The following CDH2 variants were observed in gnomAD, a reference collection of about 807,000 sequenced individuals.
CDH2 encodes cadherin 2.
Under a neutral mutation model 92.0 loss-of-function variants are expected in CDH2, and 17 were observed. That is an observed-to-expected ratio of 0.18 (90% CI 0.13 to 0.28). The LOEUF (loss-of-function observed/expected upper bound fraction) is 0.28. Among genes scored for constraint, CDH2 ranks in the 10% least tolerant of loss-of-function variants. The pLI is 1.00. For missense variants in CDH2, 862 were observed against 1,133.1 expected (o/e 0.76, Z 3.44); for synonymous variants, 419 against 415.9 (o/e 1.01, Z -0.09).
chr18:27,974,714 G>A (rs1289617857), intron 14 of CDH2, among the ~76,000 whole-genome samples: 1 of 152,142 alleles, frequency 6.6e-6, no homozygotes, highest in East Asian at 1.9e-4. Context: ...GACACTTCAT[G>A]AGTGGGATTA....
intron 2 of CDH2, among the ~76,000 whole-genome samples, chr18:28,113,036 A>T (rs2015437747): frequency 6.6e-6 from 1 of 152,162 alleles, no homozygotes; most frequent in Admixed American, 6.5e-5. Context: ...GACTATGATG[A>T]TAATAAATCT....
chr18:28,102,173 T>C (rs1317635759), intron 2 of CDH2, among the ~76,000 whole-genome samples: 1 of 152,170 alleles, frequency 6.6e-6, no homozygotes, highest in Non-Finnish European at 1.5e-5. Flanking sequence ...TTCCTCCCTC[T>C]CTTTGGGACA....
chr18:28,071,969 A>G (rs1404243250), intron 2 of CDH2, among the ~76,000 whole-genome samples: 2 of 152,200 alleles, frequency 1.3e-5, no homozygotes, highest in African/African-American at 4.8e-5. Context: ...AGAGATAATG[A>G]CATTGCTCTT....
chr18:27,936,400 A>G (rs1219728969), intron 6 of CDH2, among the ~76,000 whole-genome samples: 1 of 152,136 alleles, frequency 6.6e-6, no homozygotes, highest in Non-Finnish European at 1.5e-5. Context: ...CTCTTTCACT[A>G]CACTGCACAG....
chr18:28,018,386 A>C (rs992359225), intron 2 of CDH2, among the ~76,000 whole-genome samples: 8 of 152,058 alleles, frequency 5.3e-5, no homozygotes, highest in Non-Finnish European at 1.0e-4. Context: ...AACTGGAAAA[A>C]CCAATACTAA....
At chr18:28,016,875 G>A (rs1336819762) in intron 2 of CDH2, among the ~76,000 whole-genome samples, 4 of 152,104 alleles carry the variant, frequency 2.6e-5, no homozygotes, top group Non-Finnish European at 5.9e-5. Context: ...CTATTGAGAT[G>A]ATCATGTTAT....
intron 10 of CDH2, among the ~76,000 whole-genome samples, chr18:27,989,888 A>T (rs1258386754): frequency 6.6e-6 from 1 of 152,204 alleles, no homozygotes; most frequent in Non-Finnish European, 1.5e-5. Context: ...TCAAATAGTA[A>T]ATCCATTTTA....
chr18:27,994,909 AAG>A (rs1208044311), intron 7 of CDH2, among the ~76,000 whole-genome samples: 1 of 152,192 alleles, frequency 6.6e-6, no homozygotes, highest in Non-Finnish European at 1.5e-5. Context: ...GTCTTCCAAA[AAG>A]AGAAAATGTT....
At chr18:27,985,255 T>C (rs200715003) in intron 12 of CDH2, 22 bp from the exon 13 acceptor site, 835 of 1,343,804 alleles carry the variant, frequency 6.2e-4, no homozygotes, top group Non-Finnish European at 8.0e-4. Flanking sequence ...AGGAAAAACA[T>C]AGTTTGATAG....
intron 2 of CDH2, among the ~76,000 whole-genome samples, chr18:28,106,099 C>T (rs908692044): frequency 6.6e-6 from 1 of 152,192 alleles, no homozygotes. Flanking sequence ...TAGTCAGTCA[C>T]CATTAGCAAA....
intron 13 of CDH2, among the ~76,000 whole-genome samples, chr18:27,984,086 C>T (rs1363257476): frequency 6.6e-6 from 1 of 152,152 alleles, no homozygotes. Context: ...ATGCAGGTTT[C>T]AAATTATAGC....
chr18:27,974,794 C>T (rs968279656), intron 14 of CDH2, among the ~76,000 whole-genome samples: 4 of 152,138 alleles, frequency 2.6e-5, no homozygotes, highest in Non-Finnish European at 5.9e-5. Context: ...GCAAGAAAGG[C>T]GCCTTATATG....
chr18:28,066,572 T>C (rs2014511632), intron 2 of CDH2, among the ~76,000 whole-genome samples: 1 of 152,142 alleles, frequency 6.6e-6, no homozygotes, highest in African/African-American at 2.4e-5. Context: ...CAGACAAGCA[T>C]GTAATTAAAA....
intron 2 of CDH2, among the ~76,000 whole-genome samples, chr18:28,076,387 C>T (rs1264537187): frequency 6.6e-6 from 1 of 152,122 alleles, no homozygotes; most frequent in Admixed American, 6.6e-5. Context: ...ATATTCTAAT[C>T]TGTTAGATAG....
chr18:28,155,381 G>A (rs2016192098), intron 1 of CDH2, among the ~76,000 whole-genome samples: 1 of 152,220 alleles, frequency 6.6e-6, no homozygotes, highest in Admixed American at 6.5e-5. Context: ...TAGCTATTAT[G>A]ATGCTGGTAT....
intron 2 of CDH2, among the ~76,000 whole-genome samples, chr18:28,024,728 T>C (rs1177444841): frequency 6.6e-6 from 1 of 151,524 alleles, no homozygotes; most frequent in African/African-American, 2.4e-5. Flanking sequence ...TTGAAAGGAG[T>C]TTTTTTCTAA....
At chr18:28,031,717 G>C (rs1298037943) in intron 2 of CDH2, among the ~76,000 whole-genome samples, 1 of 152,064 alleles carries the variant, frequency 6.6e-6, no homozygotes, top group Non-Finnish European at 1.5e-5. Flanking sequence ...ACGAGAACTT[G>C]GAAAGCCAGG....
At chr18:28,061,677 C>T (rs2014404700) in intron 2 of CDH2, among the ~76,000 whole-genome samples, 1 of 152,140 alleles carries the variant, frequency 6.6e-6, no homozygotes, top group African/African-American at 2.4e-5. Flanking sequence ...CTAATAAAAA[C>T]ATACTCAAAA....
At chr18:27,950,922 A>G (rs1909407298), downstream of CDH2, 1 of 152,492 alleles carries the variant, frequency 6.6e-6, no homozygotes. Context: ...TTTTTGCAAC[A>G]TTCAAAGCAG....
Sources: allele counts gnomAD v4.1 joint callset (sites outside exome capture counted in the v4.1 genomes callset), GRCh38; gene constraint gnomAD v4.1.1; transcripts MANE v1.5; gene names NCBI Gene and HGNC (gene_info 2026-07-23, HGNC 2026-07-21).